The following PCDHGC3 variants were observed in gnomAD, a reference collection of about 807,000 sequenced individuals.
The protein encoded by PCDHGC3 is protocadherin gamma-C3.
Under a neutral mutation model 59.2 loss-of-function variants are expected in PCDHGC3, and 26 were observed. The ratio of observed to expected loss-of-function variants is 0.44; its 90% CI spans 0.32 to 0.61. The LOEUF (loss-of-function observed/expected upper bound fraction) is 0.61. Among genes scored for constraint, PCDHGC3 ranks in the 20% least tolerant of loss-of-function variants. The pLI, the probability that PCDHGC3 is intolerant of heterozygous loss-of-function variation, is 0.05. For missense variants in PCDHGC3, 1,080 were observed against 1,221.8 expected (o/e 0.88, Z 1.73); for synonymous variants, 487 against 519.7 (o/e 0.94, Z 0.86).
Position 141,487,767 on chromosome 5 carries a change from T to G in PCDHGC3, c.2431-7040T>G, listed in dbSNP as rs2099665569. The G allele has an allele frequency of 5.2e-6, 8 of 1,538,298 alleles. No homozygotes were observed. The African/African-American group carries it at 9.6e-5, about 18-fold the overall frequency. On this transcript the variant is annotated intron_variant, in intron 1 of 3. Transcript: ENST00000308177. This position sits in a 1 kb window ranked among gnomAD's most constrained non-coding sequence, Gnocchi z 5.0. ...GGTAACTATGTGGTAGACGCTGTGC[T>G]TTGTAACTGTTTCGTGAATTAACCA... is the stretch of plus-strand genomic sequence containing the variant.
chr5:141,484,512 G>A (rs1178383152), intron 1 of PCDHGC3, among the ~76,000 whole-genome samples: 47 of 152,196 alleles, frequency 3.1e-4, no homozygotes, highest in Non-Finnish European at 4.0e-4. Context: ...TTCTGCAGAA[G>A]GGCAGAGTTT....
Position 141,491,992 on chromosome 5 carries a change from T to G in PCDHGC3, c.2431-2815T>G. ...GGCCTCCTTCGAGCTTCCGGTGAAT[T>G]TCGGGCGATTTCCGCGGGTGTCGGG... On this transcript the variant is annotated intron_variant, in intron 1 of 3. Transcript: ENST00000308177. This position sits in a 1 kb window ranked among gnomAD's most constrained non-coding sequence, Gnocchi z 6.9. The G allele has an allele frequency of 1.5e-6, 1 of 684,982 alleles. No homozygotes were observed. The highest frequency in any genetic ancestry group is 2.3e-6 in the Non-Finnish European group (1 of 443,370). The allele number at this position is 684,982 out of a possible 1,614,324, so 42.4% of individuals were successfully genotyped here.
chr5:141,478,271 A>G lies in PCDHGC3; in HGVS notation c.2155A>G (p.Lys719Glu). ...VFGVIIFKVY[K>E]WKQSRDLYRA... ...CGGAGTAATCATATTCAAAGTTTAC[A>G]AGTGGAAGCAGTCTAGAGACCTATA... The change falls in exon 1 of 4, where the codon AAG (lysine) becomes GAG (glutamate). Residue 719 changes from lysine (K) to glutamate (E), a missense_variant. Lys to Glu is a moderately conservative substitution (Grantham distance 56). Transcript: ENST00000308177. 1 of 1,614,170 alleles carries G rather than the reference A, an allele frequency of 6.2e-7. No individual in the cohort carries two copies. Among genetic ancestry groups the G allele is most frequent in the Non-Finnish European group, 8.5e-7 (1 of 1,180,042 alleles).
intron 2 of PCDHGC3, among the ~76,000 whole-genome samples, chr5:141,498,962 A>G (rs1257746192): frequency 8.0e-6 from 1 of 124,866 alleles, no homozygotes; most frequent in Non-Finnish European, 1.7e-5. Context: ...AGAGAGAGGG[A>G]GGGAGGGAGG....
rs62379205 is a variant in PCDHGC3, at chr5:141,491,971, T to G, written c.2431-2836T>G. On this transcript the variant is annotated intron_variant, in intron 1 of 3. Coordinates refer to ENST00000308177, the MANE Select transcript of PCDHGC3 (RefSeq NM_002588.4). This position sits in a 1 kb window ranked among gnomAD's most constrained non-coding sequence, Gnocchi z 6.9. ...CCTACACTCAAAAAAGGCCGGGGCC[T>G]CCTTCGAGCTTCCGGTGAATTTCGG... The G allele has an allele frequency of 3.6e-6, 3 of 831,948 alleles. No homozygotes were observed. Among genetic ancestry groups the G allele is most frequent in the Admixed American group, 3.7e-5 (1 of 26,692 alleles). The allele number at this position is 831,948 out of a possible 1,614,324, so 51.5% of individuals were successfully genotyped here.
At position 141,495,662 on chromosome 5, in the gene PCDHGC3, C is replaced by T. The variant is rs545912968; in HGVS notation, c.2489+797C>T. The stretch of plus-strand genomic sequence containing the variant: ...TTTGTCTACTTGCATTGATCTGTGC[C>T]GCCCACTGTGCCTGCCATGGCATAA... On this transcript the variant is annotated intron_variant, in intron 2 of 3. Coordinates refer to ENST00000308177, the MANE Select transcript of PCDHGC3 (RefSeq NM_002588.4). Among the ~76,000 whole-genome samples, 8 of 152,256 alleles carry T rather than the reference C, an allele frequency of 5.3e-5. No individual in the cohort carries two copies. In the South Asian group the frequency reaches 6.2e-4, roughly 12 times the overall value.
Position 141,478,507 on chromosome 5 carries a change from T to C in PCDHGC3, c.2391T>C (p.Tyr797=), listed in dbSNP as rs781120326. The C allele has an allele frequency of 4.3e-6, 7 of 1,612,048 alleles. No homozygotes were observed. In the East Asian group the frequency reaches 1.3e-4, roughly 31 times the overall value. The change falls in exon 1 of 4, where the codon TAT becomes TAC. Residue 797 remains tyrosine (Y), a synonymous_variant. Transcript: ENST00000308177. The stretch of plus-strand genomic sequence containing the variant: ...TGCGGAGCTGTGATCCGGTGTTCTA[T>C]AGGCAGGTGTTGGGTGCAGAGAGCG... The part of the protein sequence containing the change: ...NTLRSCDPVF[Y]RQVLGAESAP...
At position 141,485,257 on chromosome 5, in the gene PCDHGC3, T is replaced by G. The variant is rs1251686604; in HGVS notation, c.2430+6711T>G. 1.9e-6 allele frequency: 3 copies of G among 1,614,036 alleles called. No homozygotes were observed. The highest frequency in any genetic ancestry group is 2.5e-6 in the Non-Finnish European group (3 of 1,180,006). ...TCTTTTACCACCTGGGTTACGTTTG[T>G]GGGCAGATCCGCTACCCGGTCCCAG... On this transcript the variant is annotated intron_variant, in intron 1 of 3. Coordinates refer to ENST00000308177, the MANE Select transcript of PCDHGC3 (RefSeq NM_002588.4). The surrounding 1 kb of genome is among the most constrained non-coding windows in gnomAD (Gnocchi z 5.7).
chr5:141,482,530 C>CAAAAAAAAAAAAAAAAA (rs3074545), intron 1 of PCDHGC3, among the ~76,000 whole-genome samples: 1 of 76,562 alleles, frequency 1.3e-5, no homozygotes, highest in African/African-American at 4.8e-5. Flanking sequence ...GACAGACATG[C>CAAAAAAAAAAAAAAAAA]AAAAAAAAAA....
rs141605264 is a variant in PCDHGC3, at chr5:141,479,755, A to C, written c.2430+1209A>C. The C allele has an allele frequency of 2.6e-3, 390 of 152,364 alleles. 2 individuals are homozygous for C. The highest frequency in any genetic ancestry group is 9.1e-3 in the African/African-American group (378 of 41,580). 9.4% of individuals were successfully genotyped at this position (152,364 alleles called of 1,614,324 possible). On this transcript the variant is annotated intron_variant, in intron 1 of 3. Coordinates refer to ENST00000308177, the MANE Select transcript of PCDHGC3 (RefSeq NM_002588.4). ...AGTATATGCACAATGTGAAAGGTAG[A>C]TAAATTCATATCCTTAGACAGGTAA...
chr5:141,478,074 A>G lies in PCDHGC3; in HGVS notation c.1958A>G (p.Glu653Gly). ...TLTVLIKDNG[E>G]PSLSTTATLT... ...ACGGTCTTGATCAAAGACAATGGGG[A>G]GCCTTCGCTCTCCACCACTGCTACC... The change falls in exon 1 of 4, where the codon GAG becomes GGG. Residue 653 changes from glutamate (E) to glycine (G), a missense_variant. Physicochemically the swap from Glu to Gly is moderately conservative, Grantham distance 98. Transcript: ENST00000308177. 6.2e-7 allele frequency: 1 copy of G among 1,614,090 alleles called. No individual in the cohort carries two copies. Among genetic ancestry groups the G allele is most frequent in the Non-Finnish European group, 8.5e-7 (1 of 1,180,026 alleles).
Position 141,476,658 on chromosome 5 carries a change from C to A in PCDHGC3, c.542C>A (p.Ala181Glu), listed in dbSNP as rs182518072. Residue 181 changes from alanine (A) to glutamate (E), a missense_variant, in exon 1 of 4, where the codon GCG becomes GAG. Ala to Glu is a moderately radical substitution (Grantham distance 107). Transcript: ENST00000308177. The surrounding 1 kb of genome is among the most constrained non-coding windows in gnomAD (Gnocchi z 7.6). ...GAGCTGAGCCGAAATGAATACTTTGCGCTTCGCGTGCAGACGCGGGAGGAC... is the reference window on the plus strand; with the variant it reads ...GAGCTGAGCCGAAATGAATACTTTGAGCTTCGCGTGCAGACGCGGGAGGAC... ...TYELSRNEYFALRVQTREDST... is the reference protein window; with the variant it reads ...TYELSRNEYFELRVQTREDST... 2 of 1,614,244 alleles carry A rather than the reference C, an allele frequency of 1.2e-6. No homozygotes were observed. The highest frequency in any genetic ancestry group is 2.2e-5 in the East Asian group (1 of 44,878).
At position 141,476,717 on chromosome 5, in the gene PCDHGC3, G is replaced by A. The variant is rs2099397053; in HGVS notation, c.601G>A (p.Ala201Thr). 6.2e-7 allele frequency: 1 copy of A among 1,614,048 alleles called. No homozygotes were observed. ...TKYAELVLER[A>T]LDREREPSLQ... The stretch of plus-strand genomic sequence containing the variant: ...GTACGCGGAGCTGGTGTTGGAGCGC[G>A]CCCTGGACCGAGAACGGGAGCCTAG... Residue 201 changes from alanine to threonine, a missense_variant, in exon 1 of 4, where the codon GCC becomes ACC. Physicochemically the swap from Ala to Thr is moderately conservative, Grantham distance 58. Transcript: ENST00000308177. This position sits in a 1 kb window ranked among gnomAD's most constrained non-coding sequence, Gnocchi z 7.6.
Position 141,476,944 on chromosome 5 carries a change from C to A in PCDHGC3, c.828C>A (p.Asn276Lys). The A allele has an allele frequency of 1.9e-6, 3 of 1,614,188 alleles. No individual in the cohort carries two copies. The highest frequency in any genetic ancestry group is 2.5e-6 in the Non-Finnish European group (3 of 1,180,044). ...CAACGGATCTGGATGAAGGCCCCAA[C>A]GGTGAAATTATTTACTCCTTCGGCA... ...VLATDLDEGP[N>K]GEIIYSFGSH... Residue 276 changes from asparagine to lysine, a missense_variant, in exon 1 of 4, where the codon AAC (asparagine) becomes AAA (lysine). Transcript: ENST00000308177. This position sits in a 1 kb window ranked among gnomAD's most constrained non-coding sequence, Gnocchi z 7.6.
rs922592733 is a variant in PCDHGC3 at position 141,487,979 on chromosome 5, C to T, written c.2431-6828C>T. Among the ~76,000 whole-genome samples the T allele has an allele frequency of 1.3e-5, 2 of 152,178 alleles. No individual in the cohort carries two copies. Among genetic ancestry groups the T allele is most frequent in the African/African-American group, 4.8e-5 (2 of 41,442 alleles). The stretch of plus-strand genomic sequence containing the variant: ...TGGACAAAGGTGGCTGTTTTCTCTA[C>T]TCTTCCTGAAAGAGGGGATCAGATT... On this transcript the variant is annotated intron_variant, in intron 1 of 3. Coordinates refer to ENST00000308177, the MANE Select transcript of PCDHGC3 (RefSeq NM_002588.4). The surrounding 1 kb of genome is among the most constrained non-coding windows in gnomAD (Gnocchi z 5.0).
chr5:141,494,194 G>A (rs1446357035), intron 1 of PCDHGC3, among the ~76,000 whole-genome samples: 2 of 152,182 alleles, frequency 1.3e-5, no homozygotes, highest in Non-Finnish European at 2.9e-5. Flanking sequence ...GGACTTGGAT[G>A]CCCCGCAAAG....
In PCDHGC3 at chr5:141,487,000, G is replaced by A. The variant is rs1410493699; in HGVS notation, c.2431-7807G>A. On this transcript the variant is annotated intron_variant, in intron 1 of 3. Transcript: ENST00000308177. The surrounding 1 kb of genome is among the most constrained non-coding windows in gnomAD (Gnocchi z 5.0). ...GTTACAATGCTTGGGTTTCCTATCA[G>A]CTCCTGGAGGCCCCAGATCCCAGCC... The A allele has an allele frequency of 6.2e-7, 1 of 1,614,194 alleles. No homozygotes were observed. The highest frequency in any genetic ancestry group is 8.5e-7 in the Non-Finnish European group (1 of 1,180,036).
intron 1 of PCDHGC3, among the ~76,000 whole-genome samples, chr5:141,482,329 T>A (rs1334833454): frequency 6.6e-6 from 1 of 152,160 alleles, no homozygotes; most frequent in Non-Finnish European, 1.5e-5. Context: ...ATAAAGAGAA[T>A]ATCTACTTTG....
rs1156842877 is a variant in PCDHGC3 at position 141,478,174 on chromosome 5, G to GA, written c.2066dup (p.Asn689LysfsTer36). ...CCTCTGGCTCTGCCCCCCGGGAGCA[G>GA]AAAAAAAATCTCACCTTTTATCTAC... On this transcript the variant is annotated frameshift_variant, in exon 1 of 4. Coordinates refer to ENST00000308177, the MANE Select transcript of PCDHGC3 (RefSeq NM_002588.4). LOFTEE classifies it high-confidence loss of function. 6 of 1,613,692 alleles carry GA rather than the reference G, an allele frequency of 3.7e-6. No homozygotes were observed. The highest frequency in any genetic ancestry group is 1.1e-5 in the South Asian group (1 of 91,066).
Sources: allele counts gnomAD v4.1 joint callset (sites outside exome capture counted in the v4.1 genomes callset), GRCh38; gene constraint gnomAD v4.1.1; non-coding constraint Gnocchi (gnomAD v3.1); transcripts MANE v1.5; gene names NCBI Gene and HGNC (gene_info 2026-07-23, HGNC 2026-07-21).